Variants in GTPBP10 observed in about 807,000 individuals in gnomAD.
The protein encoded by GTPBP10 is GTP-binding protein 10.
A neutral mutation model predicts 44.8 loss-of-function variants in GTPBP10; 38 were observed. The ratio of observed to expected loss-of-function variants is 0.85; its 90% CI spans 0.65 to 1.11. The LOEUF is 1.11. Ranked by LOEUF, GTPBP10 falls within the 50% of genes most tolerant of loss-of-function variation. GTPBP10 has a pLI of 0.00. For synonymous variants in GTPBP10, 152 were observed against 150.6 expected, an observed-to-expected ratio of 1.01 and a Z score of -0.07; for missense variants, 462 against 453.7, an observed-to-expected ratio of 1.02 and a Z score of -0.17.
intron 4 of GTPBP10, among the ~76,000 whole-genome samples, chr7:90,358,976 A>G (rs1363665636): frequency 2.0e-5 from 3 of 152,208 alleles, no homozygotes; most frequent in Non-Finnish European, 4.4e-5. Context: ...CAAATGGCCA[A>G]TACGCATATA....
intron 6 of GTPBP10, among the ~76,000 whole-genome samples, chr7:90,374,575 A>G (rs1376731893): frequency 2.6e-5 from 4 of 152,192 alleles, no homozygotes; most frequent in Admixed American, 1.3e-4. Context: ...TCCCTACAAC[A>G]TTATGTCTTC....
chr7:90,386,930 A>G lies in GTPBP10; in HGVS notation c.*1776A>G, dbSNP rs1796534679. The G allele has an allele frequency of 1.3e-5, 2 of 152,206 alleles. No individual in the cohort carries two copies. The highest frequency in any genetic ancestry group is 2.9e-5 in the Non-Finnish European group (2 of 68,038). The allele number at this position is 152,206 out of a possible 1,614,324, so 9.4% of individuals were successfully genotyped here. A position where few individuals can be genotyped will look rare whatever the true frequency, so the allele number is the denominator to read the frequency against. On this transcript the variant is annotated 3_prime_UTR_variant, in exon 10 of 10. Transcript: ENST00000222511. ...CAGTTCTTCCCAGGGAAAATGATTA[A>G]TAGTTTACATTCTTGCAGAAATTTT...
chr7:90,360,621 G>A (rs1203950563), intron 4 of GTPBP10, among the ~76,000 whole-genome samples: 1 of 152,018 alleles, frequency 6.6e-6, no homozygotes, highest in Non-Finnish European at 1.5e-5. Flanking sequence ...TGGCAATGGG[G>A]GCTCTTTTTT....
chr7:90,366,547 T>G (rs1156972272), intron 4 of GTPBP10, among the ~76,000 whole-genome samples: 1 of 152,198 alleles, frequency 6.6e-6, no homozygotes, highest in South Asian at 2.1e-4. Flanking sequence ...TCTTCTAGAT[T>G]TTCTAGTTTA....
At chr7:90,365,825 G>A (rs1263774884) in intron 4 of GTPBP10, among the ~76,000 whole-genome samples, 1 of 152,194 alleles carries the variant, frequency 6.6e-6, no homozygotes. Context: ...GTAAGAGAGG[G>A]CATCCCTGTC....
At chr7:90,367,898 T>C (rs1296683551) in intron 4 of GTPBP10, among the ~76,000 whole-genome samples, 3 of 152,250 alleles carry the variant, frequency 2.0e-5, no homozygotes, top group Non-Finnish European at 4.4e-5. Context: ...CAATTTGGTA[T>C]GTTTTTGCAG....
chr7:90,376,840 C>A (rs1456060865), intron 6 of GTPBP10, among the ~76,000 whole-genome samples: 1 of 152,094 alleles, frequency 6.6e-6, no homozygotes, highest in Non-Finnish European at 1.5e-5. Context: ...GAATTAATAA[C>A]CTCATAGATT....
chr7:90,354,361 G>C (rs1461765767), intron 2 of GTPBP10, 97 bp from the exon 3 acceptor site: 5 of 514,664 alleles, frequency 9.7e-6, no homozygotes, highest in African/African-American at 4.0e-5. Context: ...CCAGAGAATT[G>C]ATTGCTACTC....
intron 3 of GTPBP10, 144 bp downstream of exon 3, chr7:90,354,693 T>C (rs1433162780): frequency 4.0e-6 from 2 of 499,996 alleles, no homozygotes; most frequent in South Asian, 3.6e-5. Flanking sequence ...TTAAAACTTA[T>C]AAAAGTTAAA....
At chr7:90,364,262 T>C (rs1796087692) in intron 4 of GTPBP10, among the ~76,000 whole-genome samples, 1 of 152,202 alleles carries the variant, frequency 6.6e-6, no homozygotes, top group Non-Finnish European at 1.5e-5. Context: ...CCCATCTTTG[T>C]GGTTTTATCT....
At position 90,383,071 on chromosome 7, in the gene GTPBP10, A is replaced by C. The variant is rs148144017; in HGVS notation, c.893A>C (p.Asn298Thr). The C allele has an allele frequency of 6.4e-7, 1 of 1,568,630 alleles. No individual in the cohort carries two copies. Among genetic ancestry groups the C allele is most frequent in the Non-Finnish European group, 8.7e-7 (1 of 1,153,652 alleles). Residue 298 changes from asparagine to threonine, a missense_variant, in exon 9 of 10, where the codon AAT becomes ACT. Transcript: ENST00000222511. Reference sequence around the variant, plus strand: ...CATGAATTGATGAGCCAGCTCCAGAATCCTAAAGGTAAACCTATTTATTCA... The same window carrying C: ...CATGAATTGATGAGCCAGCTCCAGACTCCTAAAGGTAAACCTATTTATTCA... Reference protein sequence around the residue: ...KFHELMSQLQNPKDFLHLFEK... With the variant: ...KFHELMSQLQTPKDFLHLFEK...
chr7:90,374,422 T>C, intron 6 of GTPBP10, 68 bp downstream of exon 6: 1 of 1,005,858 alleles, frequency 9.9e-7, no homozygotes, highest in Non-Finnish European at 1.5e-6. Flanking sequence ...CGTACTTGGA[T>C]ATTATAGTTT....
At chr7:90,351,634 G>A (rs1584626469) in intron 1 of GTPBP10, among the ~76,000 whole-genome samples, 2 of 152,106 alleles carry the variant, frequency 1.3e-5, no homozygotes, top group Non-Finnish European at 2.9e-5. Context: ...GTGGACACAC[G>A]CAGCTCAAAC....
At chr7:90,380,182 G>A (rs1221103128) in intron 8 of GTPBP10, among the ~76,000 whole-genome samples, 1 of 148,514 alleles carries the variant, frequency 6.7e-6, no homozygotes, top group African/African-American at 2.5e-5. Context: ...AAGTTCAAGT[G>A]ATTCTCCAGC....
At chr7:90,359,151 A>G (rs986086727) in intron 4 of GTPBP10, among the ~76,000 whole-genome samples, 4 of 152,032 alleles carry the variant, frequency 2.6e-5, no homozygotes, top group Non-Finnish European at 5.9e-5. Context: ...TTAACTTAAA[A>G]AAATTTTTTT....
intron 2 of GTPBP10, 49 bp downstream of exon 2, chr7:90,353,058 G>A: frequency 1.5e-6 from 2 of 1,298,960 alleles, no homozygotes; most frequent in Non-Finnish European, 1.0e-6. Flanking sequence ...AACCCTTCTG[G>A]AAATTTTTTT....
chr7:90,367,603 C>T (rs572929248), intron 4 of GTPBP10, among the ~76,000 whole-genome samples: 2 of 152,084 alleles, frequency 1.3e-5, no homozygotes, highest in South Asian at 2.1e-4. Context: ...GGATTGCAAC[C>T]CCTGCCTTTT....
rs17865292 is a variant in GTPBP10 at position 90,357,906 on chromosome 7, A to T, written c.464+2676A>T. Among the ~76,000 whole-genome samples, 185 of 152,220 alleles carry T rather than the reference A, an allele frequency of 1.2e-3. No homozygotes were observed. In the East Asian group the frequency reaches 0.018, roughly 15 times the overall value. ...TGTAGACATTTATTCCAAGAAAGAAATCAAAGATGTGTGCAAAGAGAAGTC... is the reference window on the plus strand; with the variant it reads ...TGTAGACATTTATTCCAAGAAAGAATTCAAAGATGTGTGCAAAGAGAAGTC... On this transcript the variant is annotated intron_variant, in intron 4 of 9. Transcript: ENST00000222511.
chr7:90,374,306 A>C lies in GTPBP10; in HGVS notation c.543A>C (p.Thr181=). The part of the protein sequence containing the change: ...AKPAIADYAF[T]TLKPELGKIM... ...TATTGCTGTGTTTCCTTTTAGTTACAACATTAAAGCCTGAACTTGGAAAGA... is the reference window on the plus strand; with the variant it reads ...TATTGCTGTGTTTCCTTTTAGTTACCACATTAAAGCCTGAACTTGGAAAGA... The change falls in exon 6 of 10, where the codon ACA becomes ACC. Residue 181 remains threonine (T), a synonymous_variant. Coordinates refer to ENST00000222511, the MANE Select transcript of GTPBP10 (RefSeq NM_033107.4). 6.3e-7 allele frequency: 1 copy of C among 1,595,372 alleles called. No homozygotes were observed. The highest frequency in any genetic ancestry group is 1.1e-5 in the South Asian group (1 of 90,304).
Sources: allele counts gnomAD v4.1 joint callset (sites outside exome capture counted in the v4.1 genomes callset), GRCh38; gene constraint gnomAD v4.1.1; transcripts MANE v1.5; gene names NCBI Gene and HGNC (gene_info 2026-07-23, HGNC 2026-07-21).